GRK1: variants seen among roughly 807,000 people sequenced by gnomAD.
GRK1 encodes the protein G protein-coupled receptor kinase 1, also known as rhodopsin kinase GRK1.
Under a neutral mutation model 41.7 loss-of-function variants are expected in GRK1, and 28 were observed. The ratio of observed to expected loss-of-function variants is 0.67; its 90% CI spans 0.50 to 0.92. The LOEUF is 0.92. Ranked by LOEUF, GRK1 falls within the 40% of genes least tolerant of loss-of-function variation. The probability of loss-of-function intolerance (pLI) is 0.00; values close to 1 mark genes in which losing one functional copy is unlikely to be tolerated. For synonymous variants in GRK1, 327 were observed against 286.7 expected (o/e 1.14, Z -1.42); for missense variants, 703 against 671.2 (o/e 1.05, Z -0.52).
chr13:113,728,103 AATGAGGAGTACCCATGGCG>A (rs1309425355), intron 4 of GRK1, among the ~76,000 whole-genome samples: 3,117 of 38,736 alleles, frequency 0.08, 498 homozygotes, highest in African/African-American at 0.24. Flanking sequence ...TACCCATGGC[AATGAGGAGTACCCATGGCG>A]ATGAGGAGTA....
At chr13:113,733,654 T>C (rs1435110615) in intron 6 of GRK1, among the ~76,000 whole-genome samples, 14 of 84,344 alleles carry the variant, frequency 1.7e-4, no homozygotes, top group African/African-American at 7.2e-4. Flanking sequence ...TGTGCATACG[T>C]GTGTGTGCGT....
chr13:113,648,653 G>GTA, the GRK1 span, among the ~76,000 whole-genome samples: 1 of 152,204 alleles, frequency 6.6e-6, no homozygotes, highest in South Asian at 2.1e-4. Flanking sequence ...AAGTGTGTTT[G>GTA]TAACTAACTG....
upstream of GRK1, among the ~76,000 whole-genome samples, chr13:113,664,928 C>T (rs190858558): frequency 1.3e-5 from 2 of 152,330 alleles, no homozygotes; most frequent in Non-Finnish European, 1.5e-5. The surrounding 1 kb of genome is among the most constrained non-coding windows in gnomAD (Gnocchi z 5.4). Context: ...GGGCTGGGCC[C>T]GTGCAGGGCT....
chr13:113,734,149 G>C (rs532817378), intron 6 of GRK1, among the ~76,000 whole-genome samples: 1 of 151,984 alleles, frequency 6.6e-6, no homozygotes, highest in Non-Finnish European at 1.5e-5. Context: ...CAGGTGGAAG[G>C]GTCAGGCCAC....
At chr13:113,649,224 G>T in the GRK1 span, 2 of 794,530 alleles carry the variant, frequency 2.5e-6, no homozygotes, top group African/African-American at 1.8e-5. This position sits in a 1 kb window ranked among gnomAD's most constrained non-coding sequence, Gnocchi z 4.7. Context: ...AGATGTGGGC[G>T]CTTCTCTGGA....
At chr13:113,649,355 G>A in the GRK1 span, 2 of 1,584,706 alleles carry the variant, frequency 1.3e-6, no homozygotes, top group Non-Finnish European at 8.6e-7. The surrounding 1 kb of genome is among the most constrained non-coding windows in gnomAD (Gnocchi z 4.7). Context: ...GCGTGCCCAG[G>A]ACCCCTGCGC....
chr13:113,659,176 G>A, the GRK1 span, among the ~76,000 whole-genome samples: 2 of 152,176 alleles, frequency 1.3e-5, no homozygotes, highest in Non-Finnish European at 2.9e-5. Flanking sequence ...CTTGTTGGGC[G>A]GCGCACTTCA....
the GRK1 span, chr13:113,653,153 T>C: frequency 6.6e-7 from 1 of 1,505,930 alleles, no homozygotes; most frequent in South Asian, 1.3e-5. Flanking sequence ...TTGCAAGCCC[T>C]GAGTGCGAGT....
rs145498429 is a variant in GRK1, at chr13:113,668,023, G to A, written c.637G>A (p.Gly213Ser). The A allele has an allele frequency of 1.9e-4, 314 of 1,611,608 alleles. No individual in the cohort carries two copies. The highest frequency in any genetic ancestry group is 1.1e-3 in the South Asian group (100 of 90,694). The change falls in exon 1 of 7, where the codon GGC (glycine) becomes AGC (serine). Residue 213 changes from glycine to serine, a missense_variant. Coordinates refer to ENST00000335678, the MANE Select transcript of GRK1 (RefSeq NM_002929.3). ...GTCGGCCTGCCAGATGAAGGCGACC[G>A]GCAAGCTGTATGCCTGCAAGAAGCT... ...EVSACQMKAT[G>S]KLYACKKLNK...
intron 3 of GRK1, among the ~76,000 whole-genome samples, chr13:113,672,415 G>GGTGT (rs1293235553): frequency 0.98 from 106,309 of 108,904 alleles, 51,864 homozygotes; most frequent in Non-Finnish European, 1. Context: ...TGTGGAATGT[G>GGTGT]GTGTGTTCGT....
At chr13:113,668,970 G>A (rs1228199875) in intron 1 of GRK1, among the ~76,000 whole-genome samples, 2 of 152,242 alleles carry the variant, frequency 1.3e-5, no homozygotes, top group Non-Finnish European at 2.9e-5. Flanking sequence ...CGTGGAACTC[G>A]GGGCGAGTAA....
At chr13:113,734,041 T>TGC (rs2049983020) in intron 6 of GRK1, among the ~76,000 whole-genome samples, 1 of 151,646 alleles carries the variant, frequency 6.6e-6, no homozygotes, top group Non-Finnish European at 1.5e-5. Context: ...TGCGTATGTG[T>TGC]GTGTGCATAC....
At chr13:113,652,687 A>G in the GRK1 span, 7 of 718,978 alleles carry the variant, frequency 9.7e-6, no homozygotes, top group African/African-American at 8.7e-5. Context: ...AGTGGTTTCA[A>G]ATTTGTATCT....
chr13:113,663,108 G>T (rs2049799570), upstream of GRK1, among the ~76,000 whole-genome samples: 1 of 152,206 alleles, frequency 6.6e-6, no homozygotes, highest in Non-Finnish European at 1.5e-5. Flanking sequence ...TGTAGCTGTG[G>T]TGATCAAGAT....
At chr13:113,653,270 A>G in the GRK1 span, 2 of 1,566,500 alleles carry the variant, frequency 1.3e-6, no homozygotes, top group Non-Finnish European at 8.8e-7. Flanking sequence ...CCGCCGCTTC[A>G]CACCTCACCC....
chr13:113,669,236 G>T (rs1041690829), intron 1 of GRK1, among the ~76,000 whole-genome samples: 2 of 152,184 alleles, frequency 1.3e-5, no homozygotes, highest in African/African-American at 2.4e-5. Flanking sequence ...TTACAAACTC[G>T]TTCAATGGAG....
chr13:113,652,484 C>A, the GRK1 span, among the ~76,000 whole-genome samples: 1 of 152,214 alleles, frequency 6.6e-6, no homozygotes. Flanking sequence ...CCCTAAGGGG[C>A]CCCTGGTCCC....
intron 4 of GRK1, among the ~76,000 whole-genome samples, chr13:113,725,192 C>G (rs1430893627): frequency 6.6e-6 from 1 of 152,252 alleles, no homozygotes; most frequent in Non-Finnish European, 1.5e-5. Flanking sequence ...GCGCCCCCCA[C>G]GCAGCGAGAG....
rs1441286120 is a variant in GRK1 at position 113,668,050 on chromosome 13, A to G, written c.664A>G (p.Asn222Asp). Residue 222 changes from asparagine to aspartate, a missense_variant, in exon 1 of 7, where the codon AAC becomes GAC. Asn to Asp is a conservative substitution (Grantham distance 23). Coordinates refer to ENST00000335678, the MANE Select transcript of GRK1 (RefSeq NM_002929.3). ...CAAGCTGTATGCCTGCAAGAAGCTG[A>G]ACAAGAAGCGGCTGAAGAAGAGGAA... is the stretch of plus-strand genomic sequence containing the variant. ...TGKLYACKKL[N>D]KKRLKKRKGY... is the part of the protein sequence containing the mutation. The G allele has an allele frequency of 2.5e-6, 4 of 1,610,784 alleles. No homozygotes were observed. The Admixed American group carries it at 6.7e-5, about 27-fold the overall frequency.
Sources: gnomAD v4.1 joint callset for allele counts (sites outside exome capture counted in the v4.1 genomes callset) on GRCh38, gnomAD v4.1.1 for gene constraint, Gnocchi (gnomAD v3.1) non-coding constraint, MANE v1.5 for transcripts, NCBI Gene and HGNC (gene_info 2026-07-23, HGNC 2026-07-21) for gene names.